PIGL: variants seen among roughly 807,000 people sequenced by gnomAD.
The protein encoded by PIGL is N-acetylglucosaminyl-phosphatidylinositol de-N-acetylase.
PIGL carries 22 observed loss-of-function variants against 31.1 expected under a neutral mutation model. The ratio of observed to expected loss-of-function variants is 0.71; its 90% CI spans 0.51 to 1.01. The LOEUF (loss-of-function observed/expected upper bound fraction) is 1.01. Ranked by LOEUF, PIGL falls within the 50% of genes least tolerant of loss-of-function variation. PIGL has a pLI of 0.00. For synonymous variants in PIGL, 131 were observed against 117.4 expected, an observed-to-expected ratio of 1.12 and a Z score of -0.75; for missense variants, 302 against 315.9, an observed-to-expected ratio of 0.96 and a Z score of 0.33.
intron 1 of PIGL, among the ~76,000 whole-genome samples, chr17:16,226,269 G>T (rs931720517): frequency 6.6e-6 from 1 of 152,108 alleles, no homozygotes; most frequent in African/African-American, 2.4e-5. Flanking sequence ...CCAAAGACTA[G>T]GGGCTGGAAT....
At chr17:16,256,014 A>G (rs9901194) in intron 2 of PIGL, among the ~76,000 whole-genome samples, 1,586 of 152,232 alleles carry the variant, frequency 0.01, 28 homozygotes, top group African/African-American at 0.036. Context: ...TAATATGACT[A>G]GGGAAGTCAA....
intron 3 of PIGL, among the ~76,000 whole-genome samples, chr17:16,306,837 A>T (rs535529778): frequency 3.3e-4 from 50 of 152,218 alleles, no homozygotes; most frequent in Admixed American, 7.2e-4. Flanking sequence ...CTGGCTTTTA[A>T]ACAATATCAA....
intron 2 of PIGL, among the ~76,000 whole-genome samples, chr17:16,289,850 C>T (rs2092952954): frequency 1.3e-5 from 2 of 152,200 alleles, no homozygotes; most frequent in South Asian, 4.1e-4. Flanking sequence ...GATCTTGGCT[C>T]ACTGCAACCT....
chr17:16,232,659 A>C (rs1244334357), intron 1 of PIGL, among the ~76,000 whole-genome samples: 1 of 152,120 alleles, frequency 6.6e-6, no homozygotes, highest in Non-Finnish European at 1.5e-5. Context: ...ACTAATGTAC[A>C]TGAGACTATT....
At chr17:16,288,181 T>TTTCC (rs374151719) in intron 2 of PIGL, among the ~76,000 whole-genome samples, 35 of 152,264 alleles carry the variant, frequency 2.3e-4, no homozygotes, top group East Asian at 5.8e-4. Context: ...ACCTGTTTTC[T>TTTCC]TTCCTTCCTT....
At chr17:16,324,130 A>AT (rs746216623) in intron 6 of PIGL, among the ~76,000 whole-genome samples, 2,503 of 129,604 alleles carry the variant, frequency 0.019, 67 homozygotes, top group African/African-American at 0.063. Flanking sequence ...CTAATTTTGG[A>AT]TTTTTTTTTT....
chr17:16,217,224 A>C lies in PIGL; in HGVS notation c.-3A>C, dbSNP rs775528754. 1 of 1,613,358 alleles carries C rather than the reference A, an allele frequency of 6.2e-7. No individual in the cohort carries two copies. The highest frequency in any genetic ancestry group is 1.7e-5 in the Admixed American group (1 of 59,992). On this transcript the variant is annotated 5_prime_UTR_variant, in exon 1 of 7. Coordinates refer to ENST00000225609, the MANE Select transcript of PIGL (RefSeq NM_004278.4). ...TGCGCAGGCTCAGTGCTGCTTACCC[A>C]TCATGGAAGCAATGTGGCTCCTGTG...
chr17:16,273,974 G>A (rs1471008531), intron 2 of PIGL, among the ~76,000 whole-genome samples: 1 of 152,214 alleles, frequency 6.6e-6, no homozygotes, highest in African/African-American at 2.4e-5. Flanking sequence ...GGCTAGTGAA[G>A]AGGCTCATGT....
At chr17:16,316,607 T>C in intron 4 of PIGL, 74 bp from the exon 5 acceptor site, 1 of 1,466,178 alleles carries the variant, frequency 6.8e-7, no homozygotes, top group Non-Finnish European at 9.3e-7. Flanking sequence ...CAGCCTTTCC[T>C]CTGAAGGCCC....
chr17:16,247,106 C>T (rs1056876853), intron 2 of PIGL, among the ~76,000 whole-genome samples: 1 of 152,182 alleles, frequency 6.6e-6, no homozygotes, highest in Non-Finnish European at 1.5e-5. Flanking sequence ...TCCTTCTTCC[C>T]TCCCTCTTCT....
At chr17:16,287,133 A>G (rs2092941592) in intron 2 of PIGL, among the ~76,000 whole-genome samples, 1 of 152,156 alleles carries the variant, frequency 6.6e-6, no homozygotes, top group Admixed American at 6.5e-5. Context: ...TTCTCCAGCC[A>G]TGGCTGCGCA....
At chr17:16,245,412 C>A (rs762951446) in intron 2 of PIGL, among the ~76,000 whole-genome samples, 2 of 151,914 alleles carry the variant, frequency 1.3e-5, no homozygotes, top group Non-Finnish European at 2.9e-5. Flanking sequence ...CAAGCATGAG[C>A]CACTACACCC....
intron 2 of PIGL, among the ~76,000 whole-genome samples, chr17:16,274,706 A>G (rs1356272779): frequency 6.8e-6 from 1 of 147,238 alleles, no homozygotes; most frequent in East Asian, 2.1e-4. Context: ...CTGGGGGACA[A>G]GAGCAAGACT....
intron 2 of PIGL, among the ~76,000 whole-genome samples, chr17:16,280,266 G>C (rs1284324526): frequency 6.6e-6 from 1 of 152,222 alleles, no homozygotes; most frequent in Non-Finnish European, 1.5e-5. Context: ...ACTTGAGAGA[G>C]GCTAAGGGTC....
intron 1 of PIGL, among the ~76,000 whole-genome samples, chr17:16,220,806 T>C (rs920258585): frequency 5.3e-5 from 8 of 152,018 alleles, no homozygotes; most frequent in South Asian, 2.1e-4. Context: ...CTAATGTTTG[T>C]ATTTTCAGTA....
intron 3 of PIGL, among the ~76,000 whole-genome samples, chr17:16,303,141 C>G (rs2093011900): frequency 6.6e-6 from 1 of 152,140 alleles, no homozygotes; most frequent in Admixed American, 6.6e-5. Context: ...GATCTGTGGT[C>G]CAGGCACCCC....
chr17:16,237,502 T>A (rs2092704224), intron 2 of PIGL, among the ~76,000 whole-genome samples: 1 of 151,846 alleles, frequency 6.6e-6, no homozygotes, highest in African/African-American at 2.4e-5. Flanking sequence ...GTCATTGATA[T>A]TTACAATGGA....
At chr17:16,279,130 A>G (rs1261087007) in intron 2 of PIGL, among the ~76,000 whole-genome samples, 1 of 152,154 alleles carries the variant, frequency 6.6e-6, no homozygotes, top group East Asian at 1.9e-4. Flanking sequence ...TTTCCTCAGT[A>G]TTGTCCCTTC....
chr17:16,252,188 C>A (rs1167442040), intron 2 of PIGL, among the ~76,000 whole-genome samples: 1 of 151,906 alleles, frequency 6.6e-6, no homozygotes, highest in East Asian at 1.9e-4. Context: ...ATGCTCCTGC[C>A]TCAGCCTCCC....
Sources: allele counts gnomAD v4.1 joint callset (sites outside exome capture counted in the v4.1 genomes callset), GRCh38; gene constraint gnomAD v4.1.1; transcripts MANE v1.5; gene names NCBI Gene and HGNC (gene_info 2026-07-23, HGNC 2026-07-21).